The following RPRD1B variants were observed in gnomAD, a reference collection of about 807,000 sequenced individuals.
RPRD1B encodes the protein regulation of nuclear pre-mRNA domain containing 1B, also known as regulation of nuclear pre-mRNA domain-containing protein 1B.
RPRD1B carries 11 observed loss-of-function variants against 41.5 expected under a neutral mutation model. That is an observed-to-expected ratio of 0.27 (90% CI 0.17 to 0.44). The LOEUF is 0.44. Among genes scored for constraint, RPRD1B ranks in the 20% least tolerant of loss-of-function variants. RPRD1B has a pLI of 1.00. For synonymous variants in RPRD1B, 158 were observed against 155.6 expected (o/e 1.02, Z -0.12); for missense variants, 248 against 389.9 (o/e 0.64, Z 3.06).
rs2074349640 is a variant in RPRD1B, at chr20:38,065,904, C to T, written c.656-177C>T. ...ATTGAGTAGTGTCCTGTCTTGTTGA[C>T]AGAGTGAATGCCTTTGGATTTCTTG... On this transcript the variant is annotated intron_variant, in intron 5 of 6. Coordinates refer to ENST00000373433, the MANE Select transcript of RPRD1B (RefSeq NM_021215.4). The T allele has an allele frequency of 1.0e-5, 6 of 586,676 alleles. No individual in the cohort carries two copies. In the South Asian group the frequency reaches 1.4e-4, roughly 14 times the overall value. 36.3% of individuals were successfully genotyped at this position (586,676 alleles called of 1,614,324 possible).
At chr20:38,043,313 T>C (rs2074086502) in intron 2 of RPRD1B, among the ~76,000 whole-genome samples, 1 of 152,140 alleles carries the variant, frequency 6.6e-6, no homozygotes, top group Admixed American at 6.5e-5. Flanking sequence ...TGAAGGCTGG[T>C]GTGGTTAGAA....
intron 2 of RPRD1B, among the ~76,000 whole-genome samples, chr20:38,044,372 A>ATTTTTTTTTTTTT (rs74179885): frequency 3.2e-5 from 4 of 124,544 alleles, no homozygotes; most frequent in African/African-American, 1.3e-4. Flanking sequence ...TCAGGTGTTC[A>ATTTTTTTTTTTTT]TTTTTTTTTT....
chr20:38,070,166 A>C, intron 6 of RPRD1B: 1 of 982,514 alleles, frequency 1.0e-6, no homozygotes, highest in Non-Finnish European at 1.2e-6. Context: ...AAGTAGAATT[A>C]TGCTTTATTC....
chr20:38,034,913 C>T (rs1435984148), intron 1 of RPRD1B, among the ~76,000 whole-genome samples: 2 of 152,220 alleles, frequency 1.3e-5, no homozygotes, highest in African/African-American at 2.4e-5. Flanking sequence ...AGCAACTTAA[C>T]CTGTCTGTGC....
chr20:38,063,286 G>GTT (rs764278661), intron 5 of RPRD1B, among the ~76,000 whole-genome samples: 138 of 152,116 alleles, frequency 9.1e-4, no homozygotes, highest in Non-Finnish European at 1.7e-3. Context: ...CCTCTGCCTT[G>GTT]TTTTTCTCTG....
In RPRD1B at chr20:38,089,918, G is replaced by A; in HGVS notation, c.*43G>A. 4 of 1,601,708 alleles carry A rather than the reference G, an allele frequency of 2.5e-6. No individual in the cohort carries two copies. In the South Asian group the frequency reaches 4.4e-5, roughly 18 times the overall value. On this transcript the variant is annotated 3_prime_UTR_variant, in exon 7 of 7. Transcript: ENST00000373433. Reference sequence around the variant, plus strand: ...AGATTTCTGTTTGTACCAGCAGAAAGAAGAGGGCAAGTCATGGTTGGAAAT... The same window carrying A: ...AGATTTCTGTTTGTACCAGCAGAAAAAAGAGGGCAAGTCATGGTTGGAAAT...
Position 38,033,821 on chromosome 20 carries a change from C to G in RPRD1B, c.-127C>G. 1 of 950,222 alleles carries G rather than the reference C, an allele frequency of 1.1e-6. No individual in the cohort carries two copies. Among genetic ancestry groups the G allele is most frequent in the Non-Finnish European group, 1.5e-6 (1 of 658,330 alleles). 58.9% of individuals were successfully genotyped at this position (950,222 alleles called of 1,614,324 possible). A position where few individuals can be genotyped will look rare whatever the true frequency, so the allele number is the denominator to read the frequency against. On this transcript the variant is annotated 5_prime_UTR_variant, in exon 1 of 7. Transcript: ENST00000373433. ...CCCATCCCCTCCCCCTTCTCGCACC[C>G]CTGGCAGTCTGTCAGTCGGTAAAAA...
At chr20:38,081,091 A>G (rs545516152) in intron 6 of RPRD1B, among the ~76,000 whole-genome samples, 1 of 141,382 alleles carries the variant, frequency 7.1e-6, no homozygotes, top group South Asian at 2.3e-4. Flanking sequence ...AGTTTTTCCT[A>G]ATTCTGTGAA....
chr20:38,091,376 C>T lies in RPRD1B; in HGVS notation c.*1501C>T. 3.0e-6 allele frequency: 3 copies of T among 985,436 alleles called. No individual in the cohort carries two copies. The highest frequency in any genetic ancestry group is 3.6e-6 in the Non-Finnish European group (3 of 829,892). The allele number at this position is 985,436 out of a possible 1,614,324, so 61.0% of individuals were successfully genotyped here. A position where few individuals can be genotyped will look rare whatever the true frequency, so the allele number is the denominator to read the frequency against. On this transcript the variant is annotated 3_prime_UTR_variant, in exon 7 of 7. Coordinates refer to ENST00000373433, the MANE Select transcript of RPRD1B (RefSeq NM_021215.4). ...AACGGGCTTCCCTTCCAGAAGCTCTCCTGCTTGTCATGAAGTGAGAACAAT... is the reference window on the plus strand; with the variant it reads ...AACGGGCTTCCCTTCCAGAAGCTCTTCTGCTTGTCATGAAGTGAGAACAAT...
chr20:38,049,960 C>G, intron 3 of RPRD1B: 1 of 415,526 alleles, frequency 2.4e-6, no homozygotes, highest in East Asian at 7.2e-5. Flanking sequence ...GCACTGCTTC[C>G]TTTCCATCTG....
intron 6 of RPRD1B, among the ~76,000 whole-genome samples, chr20:38,071,817 G>GT (rs2074416077): frequency 6.6e-6 from 1 of 152,146 alleles, no homozygotes. Context: ...CTTGTCGGCT[G>GT]TTTATCTTTG....
intron 1 of RPRD1B, 71 bp from the exon 2 acceptor site, chr20:38,040,364 C>T: frequency 7.4e-7 from 1 of 1,345,426 alleles, no homozygotes; most frequent in Non-Finnish European, 1.0e-6. Context: ...TAGGAGCAGC[C>T]CAGGGCAAAA....
chr20:38,053,520 T>C (rs1175863565), intron 3 of RPRD1B, among the ~76,000 whole-genome samples: 1 of 152,072 alleles, frequency 6.6e-6, no homozygotes, highest in Non-Finnish European at 1.5e-5. Context: ...GTGGCCAGAG[T>C]AGCAAGGCCA....
intron 5 of RPRD1B, among the ~76,000 whole-genome samples, chr20:38,063,155 A>T (rs1317845241): frequency 6.6e-6 from 1 of 151,926 alleles, no homozygotes; most frequent in Non-Finnish European, 1.5e-5. Context: ...CCTCCCAGAT[A>T]GTTACATAGC....
chr20:38,055,272 C>T (rs1041679596), intron 3 of RPRD1B, among the ~76,000 whole-genome samples: 1 of 152,168 alleles, frequency 6.6e-6, no homozygotes, highest in African/African-American at 2.4e-5. Context: ...ACAAACTTAT[C>T]AAGAGTAGTT....
At position 38,090,430 on chromosome 20, in the gene RPRD1B, C is replaced by T; in HGVS notation, c.*555C>T. The T allele has an allele frequency of 1.0e-6, 1 of 986,008 alleles. No homozygotes were observed. Among genetic ancestry groups the T allele is most frequent in the Non-Finnish European group, 1.2e-6 (1 of 830,084 alleles). The allele number at this position is 986,008 out of a possible 1,614,324, so 61.1% of individuals were successfully genotyped here. On this transcript the variant is annotated 3_prime_UTR_variant, in exon 7 of 7. Transcript: ENST00000373433. The stretch of plus-strand genomic sequence containing the variant: ...CTCTGATCCTCCCTTTCCATTGCTT[C>T]TCCTAGTGATGCACGAAGATTAGGT...
chr20:38,059,385 A>G lies in RPRD1B; in HGVS notation c.529-9A>G, dbSNP rs1488277792. The G allele has an allele frequency of 6.2e-7, 1 of 1,609,036 alleles. No individual in the cohort carries two copies. Among genetic ancestry groups the G allele is most frequent in the East Asian group, 2.2e-5 (1 of 44,528 alleles). On this transcript the variant is annotated splice_polypyrimidine_tract_variant and intron_variant, in intron 4 of 6. Coordinates refer to ENST00000373433, the MANE Select transcript of RPRD1B (RefSeq NM_021215.4). The stretch of plus-strand genomic sequence containing the variant: ...AATGGGTAGTGTTGTTTGTGTTTTC[A>G]TCTTACAGACTGAGGAACTAATCAA...
chr20:38,063,208 C>T (rs1363029201), intron 5 of RPRD1B, among the ~76,000 whole-genome samples: 3 of 152,090 alleles, frequency 2.0e-5, no homozygotes, highest in African/African-American at 4.8e-5. Flanking sequence ...ATCACCTTAG[C>T]GAAGCTCACC....
chr20:38,034,333 C>T (rs1439692260), intron 1 of RPRD1B, among the ~76,000 whole-genome samples: 3 of 152,210 alleles, frequency 2.0e-5, no homozygotes, highest in South Asian at 2.1e-4. Flanking sequence ...ACTTCTAGTT[C>T]ATCAAGCCAT....
Sources: allele counts gnomAD v4.1 joint callset (sites outside exome capture counted in the v4.1 genomes callset), GRCh38; gene constraint gnomAD v4.1.1; transcripts MANE v1.5; gene names NCBI Gene and HGNC (gene_info 2026-07-23, HGNC 2026-07-21).